The following GALNT13 variants were observed in gnomAD, a reference collection of about 807,000 sequenced individuals.
GALNT13 encodes the protein polypeptide N-acetylgalactosaminyltransferase 13.
A neutral mutation model predicts 64.2 loss-of-function variants in GALNT13; 28 were observed. The ratio of observed to expected loss-of-function variants is 0.44; its 90% CI spans 0.32 to 0.60. GALNT13 has a LOEUF of 0.60. Ranked by LOEUF, GALNT13 falls within the 20% of genes least tolerant of loss-of-function variation. The pLI is 0.05. For missense variants in GALNT13, 577 were observed against 669.8 expected (o/e 0.86, Z 1.53); for synonymous variants, 214 against 224.6 (o/e 0.95, Z 0.42).
the GALNT13 span, among the ~76,000 whole-genome samples, chr2:153,349,439 G>T: frequency 6.6e-6 from 1 of 152,110 alleles, no homozygotes; most frequent in Admixed American, 6.6e-5. Context: ...CCATTGACTA[G>T]AAAAATTTGC....
At chr2:153,934,557 G>T (rs750602605) in intron 2 of GALNT13, among the ~76,000 whole-genome samples, 22 of 152,264 alleles carry the variant, frequency 1.4e-4, no homozygotes, top group Non-Finnish European at 2.8e-4. Context: ...CAAATGTCAC[G>T]TGTCAATGCA....
At chr2:153,394,772 G>C in the GALNT13 span, among the ~76,000 whole-genome samples, 15,333 of 152,054 alleles carry the variant, frequency 0.1, 888 homozygotes, top group South Asian at 0.22. Context: ...ATGTTCTGTT[G>C]CTGTGTAAAT....
chr2:153,508,698 G>A, the GALNT13 span, among the ~76,000 whole-genome samples: 890 of 152,330 alleles, frequency 5.8e-3, 6 homozygotes, highest in Non-Finnish European at 8.9e-3. Context: ...CAGGGAGCCT[G>A]CAGCAGTGAT....
In GALNT13 at chr2:153,985,883, G is replaced by A. The variant is rs1694764501; in HGVS notation, c.142+41244G>A. The stretch of plus-strand genomic sequence containing the variant: ...AGTTTGCAATGTTGCATTTTTATTG[G>A]AAATCTTTGGCTGTATTTAGTTTCC... On this transcript the variant is annotated intron_variant, in intron 3 of 12. Transcript: ENST00000392825. Among the ~76,000 whole-genome samples, 5 of 152,038 alleles carry A rather than the reference G, an allele frequency of 3.3e-5. No individual in the cohort carries two copies. The South Asian group carries it at 8.3e-4, about 25-fold the overall frequency.
At chr2:154,446,595 C>A in intron 12 of GALNT13, 1 of 1,546,780 alleles carries the variant, frequency 6.5e-7, no homozygotes, top group Non-Finnish European at 8.7e-7. Flanking sequence ...TATAATCACC[C>A]AGTCTTGTCT....
At chr2:153,223,244 C>G in the GALNT13 span, among the ~76,000 whole-genome samples, 2 of 152,228 alleles carry the variant, frequency 1.3e-5, no homozygotes, top group East Asian at 3.8e-4. Context: ...GAGACTTCAG[C>G]ACACTTCTAT....
At chr2:153,917,102 A>G (rs1689408209) in intron 2 of GALNT13, among the ~76,000 whole-genome samples, 1 of 151,446 alleles carries the variant, frequency 6.6e-6, no homozygotes, top group African/African-American at 2.4e-5. Flanking sequence ...CCTATTTAAC[A>G]GCTTTAAAAC....
chr2:153,853,084 A>G, the GALNT13 span, among the ~76,000 whole-genome samples: 1 of 151,900 alleles, frequency 6.6e-6, no homozygotes, highest in Non-Finnish European at 1.5e-5. Flanking sequence ...TAGGTCCAAG[A>G]GTTCAAAAGC....
chr2:154,314,176 T>C (rs1183051499), intron 9 of GALNT13, among the ~76,000 whole-genome samples: 1 of 152,208 alleles, frequency 6.6e-6, no homozygotes. Context: ...TTCAACCTAC[T>C]CTTCAGAGTA....
At chr2:153,516,797 A>G in the GALNT13 span, among the ~76,000 whole-genome samples, 6 of 152,160 alleles carry the variant, frequency 3.9e-5, no homozygotes, top group African/African-American at 7.2e-5. Context: ...TCAGATCTAT[A>G]GGATATCAAA....
chr2:153,485,141 T>G, the GALNT13 span, among the ~76,000 whole-genome samples: 2 of 152,248 alleles, frequency 1.3e-5, no homozygotes, highest in Non-Finnish European at 2.9e-5. Flanking sequence ...CTTTGTAAAC[T>G]TTATGTTCAG....
At chr2:153,881,060 T>C (rs1027961782) in intron 1 of GALNT13, among the ~76,000 whole-genome samples, 2 of 152,200 alleles carry the variant, frequency 1.3e-5, no homozygotes, top group African/African-American at 4.8e-5. Context: ...CTCTTGCATC[T>C]AGGTCATTTA....
chr2:153,847,285 A>T, the GALNT13 span, among the ~76,000 whole-genome samples: 1 of 152,098 alleles, frequency 6.6e-6, no homozygotes, highest in Non-Finnish European at 1.5e-5. Flanking sequence ...AGACAAAACT[A>T]CGGGCAGTAA....
chr2:154,349,596 A>G (rs1028173679), intron 9 of GALNT13, among the ~76,000 whole-genome samples: 1 of 152,190 alleles, frequency 6.6e-6, no homozygotes, highest in Non-Finnish European at 1.5e-5. Context: ...GAGCATGGCA[A>G]TTTACTATGA....
At chr2:154,233,711 T>C (rs928825007) in intron 4 of GALNT13, among the ~76,000 whole-genome samples, 3 of 152,158 alleles carry the variant, frequency 2.0e-5, no homozygotes, top group African/African-American at 7.2e-5. Flanking sequence ...AAATCAGGGC[T>C]TGATAGATGG....
At chr2:153,364,093 T>C in the GALNT13 span, among the ~76,000 whole-genome samples, 1 of 152,208 alleles carries the variant, frequency 6.6e-6, no homozygotes, top group East Asian at 1.9e-4. Flanking sequence ...CCTATGCAAA[T>C]AAATAAATGT....
At chr2:153,631,399 A>G in the GALNT13 span, among the ~76,000 whole-genome samples, 1 of 152,312 alleles carries the variant, frequency 6.6e-6, no homozygotes, top group Middle Eastern at 3.4e-3. Context: ...GTCCTCCACA[A>G]TGGTTGAACT....
intron 4 of GALNT13, among the ~76,000 whole-genome samples, chr2:154,221,657 C>T (rs1352724015): frequency 6.6e-6 from 1 of 152,022 alleles, no homozygotes; most frequent in Non-Finnish European, 1.5e-5. Flanking sequence ...CAACTTGTTC[C>T]TTTCTGCAGG....
the GALNT13 span, among the ~76,000 whole-genome samples, chr2:153,347,031 T>A: frequency 6.6e-6 from 1 of 152,240 alleles, no homozygotes; most frequent in Admixed American, 6.5e-5. Context: ...TTTATCAGTG[T>A]CTTTCTCTCA....
Sources: gnomAD v4.1 joint callset for allele counts (sites outside exome capture counted in the v4.1 genomes callset) on GRCh38, gnomAD v4.1.1 for gene constraint, MANE v1.5 for transcripts, NCBI Gene and HGNC (gene_info 2026-07-23, HGNC 2026-07-21) for gene names.